Variants in LIG3 observed in about 807,000 individuals in gnomAD.
LIG3 encodes the protein DNA ligase 3.
LIG3 carries 58 observed loss-of-function variants against 110.9 expected under a neutral mutation model. That is an observed-to-expected ratio of 0.52 (90% CI 0.42 to 0.65). LIG3 has a LOEUF of 0.65. Ranked by LOEUF, LIG3 falls within the 30% of genes least tolerant of loss-of-function variation. LIG3 has a pLI of 0.00. For synonymous variants in LIG3, 422 were observed against 472.8 expected (o/e 0.89, Z 1.39); for missense variants, 1,094 against 1,273.8 (o/e 0.86, Z 2.15).
At chr17:34,982,083 T>G (rs1275939698) in intron 1 of LIG3, among the ~76,000 whole-genome samples, 1 of 152,184 alleles carries the variant, frequency 6.6e-6, no homozygotes, top group Non-Finnish European at 1.5e-5. Context: ...GCTCTTTAAG[T>G]TAGGCCCCAT....
chr17:34,999,561 A>T (rs2090817766), intron 15 of LIG3, 112 bp downstream of exon 15: 1 of 1,385,746 alleles, frequency 7.2e-7, no homozygotes, highest in Admixed American at 2.3e-5. Context: ...GAAGGGTTGC[A>T]GCTTGCTCAG....
chr17:35,010,384 C>G (rs553062713), downstream of LIG3: 1 of 152,376 alleles, frequency 6.6e-6, no homozygotes, highest in Non-Finnish European at 1.5e-5. Flanking sequence ...CCTCCAGCTC[C>G]TCTAGGGGTG....
chr17:34,995,750 C>CCCT (rs2090771061), intron 9 of LIG3, among the ~76,000 whole-genome samples: 1 of 152,144 alleles, frequency 6.6e-6, no homozygotes, highest in Non-Finnish European at 1.5e-5. Flanking sequence ...TGCCCACCTA[C>CCCT]CCTCCTCCTC....
At chr17:35,002,601 T>C in intron 18 of LIG3, 67 bp from the exon 19 acceptor site, 2 of 1,540,654 alleles carry the variant, frequency 1.3e-6, no homozygotes, top group Non-Finnish European at 1.8e-6. Context: ...TGAGTTGAAT[T>C]GATCCTCCCG....
At chr17:34,983,805 G>A (rs1597789113) in intron 2 of LIG3, among the ~76,000 whole-genome samples, 2 of 152,094 alleles carry the variant, frequency 1.3e-5, no homozygotes, top group South Asian at 2.1e-4. Flanking sequence ...AGCCTTTAAC[G>A]TTTTATTTGG....
At position 35,004,919 on chromosome 17, in the gene LIG3, T is replaced by A. The variant is rs1359351588; in HGVS notation, c.*413T>A. The A allele has an allele frequency of 1.9e-5, 5 of 265,630 alleles. No individual in the cohort carries two copies. The East Asian group carries it at 4.6e-4, about 24-fold the overall frequency. The allele number at this position is 265,630 out of a possible 1,614,324, so 16.5% of individuals were successfully genotyped here. A position where few individuals can be genotyped will look rare whatever the true frequency, so the allele number is the denominator to read the frequency against. On this transcript the variant is annotated 3_prime_UTR_variant, in exon 20 of 20. Transcript: ENST00000378526. ...CTTCTCTCCCATCCTTGCCTGTTCC[T>A]TTGTACTTCCAGGCTCATTTTAAAG...
intron 14 of LIG3, 106 bp from the exon 15 acceptor site, chr17:34,999,201 T>G: frequency 7.7e-7 from 1 of 1,303,794 alleles, no homozygotes; most frequent in Middle Eastern, 2.7e-4. Context: ...AGGTAAACTC[T>G]GGCACTCTGA....
At chr17:34,989,117 C>T (rs1413035817) in intron 3 of LIG3, among the ~76,000 whole-genome samples, 1 of 152,078 alleles carries the variant, frequency 6.6e-6, no homozygotes, top group Non-Finnish European at 1.5e-5. Context: ...GTTAGGGTTA[C>T]AGGCGTGAGC....
chr17:34,996,793 C>A, intron 11 of LIG3, 140 bp downstream of exon 11: 1 of 711,722 alleles, frequency 1.4e-6, no homozygotes, highest in Non-Finnish European at 2.5e-6. Context: ...AGGAGCTTGC[C>A]AAAGGCAATG....
intron 8 of LIG3, 177 bp from the exon 9 acceptor site, chr17:34,994,099 G>T: frequency 1.8e-6 from 1 of 556,532 alleles, no homozygotes; most frequent in Non-Finnish European, 3.1e-6. Flanking sequence ...ATACAACATT[G>T]CCCAGCCCTT....
intron 4 of LIG3, among the ~76,000 whole-genome samples, chr17:34,990,096 C>T (rs186143031): frequency 2.9e-4 from 44 of 152,262 alleles, no homozygotes; most frequent in African/African-American, 1.0e-3. Flanking sequence ...TCACTGGGCA[C>T]GTGAAGTGAA....
At chr17:34,999,581 AT>A in intron 15 of LIG3, 132 bp downstream of exon 15, 1 of 1,246,296 alleles carries the variant, frequency 8.0e-7, no homozygotes, top group Non-Finnish European at 1.1e-6. Context: ...GGGGAGCAGG[AT>A]TAGGCCTTAT....
rs753945903 is a variant in LIG3 at position 35,006,145 on chromosome 17, AG to A, written c.*1641del. On this transcript the variant is annotated 3_prime_UTR_variant, in exon 20 of 20. Coordinates refer to ENST00000378526, the MANE Select transcript of LIG3 (RefSeq NM_013975.4). ...GAGGCTGATTTATTTGAAGAACAAA[AG>A]GAAGAGAGACAATTTAGTGTAGACA... 15 of 163,382 alleles carry A rather than the reference AG, an allele frequency of 9.2e-5. No individual in the cohort carries two copies. The highest frequency in any genetic ancestry group is 1.7e-4 in the Non-Finnish European group (13 of 74,754). The allele number at this position is 163,382 out of a possible 1,614,324, so 10.1% of individuals were successfully genotyped here.
At chr17:35,001,821 A>G (rs779371551) in intron 17 of LIG3, 88 bp from the exon 18 acceptor site, 15 of 1,178,858 alleles carry the variant, frequency 1.3e-5, no homozygotes, top group African/African-American at 3.1e-5. Flanking sequence ...TTGTTCCCAT[A>G]TGCGCCTAAA....
chr17:34,984,358 A>G (rs972545607), intron 2 of LIG3, among the ~76,000 whole-genome samples: 7 of 152,210 alleles, frequency 4.6e-5, no homozygotes, highest in African/African-American at 1.7e-4. Context: ...CTTGTAGCAT[A>G]TAATTCATTA....
intron 2 of LIG3, among the ~76,000 whole-genome samples, chr17:34,984,161 T>A (rs2090632895): frequency 6.6e-6 from 1 of 152,234 alleles, no homozygotes; most frequent in Non-Finnish European, 1.5e-5. Context: ...GTCAATGGAT[T>A]GAGTCATACC....
At chr17:34,980,661 C>T (rs1248446706) in intron 1 of LIG3, 39 bp downstream of exon 1, 6 of 1,133,044 alleles carry the variant, frequency 5.3e-6, no homozygotes, top group African/African-American at 4.2e-5. Flanking sequence ...CGGCGGGGCC[C>T]GGCGTGGGGA....
At chr17:34,999,734 C>T (rs1212785515) in intron 15 of LIG3, 48 bp from the exon 16 acceptor site, 2 of 1,493,888 alleles carry the variant, frequency 1.3e-6, no homozygotes, top group Admixed American at 1.7e-5. Flanking sequence ...GGATTTAAGC[C>T]TTGTTCCAGG....
At chr17:34,999,005 T>G (rs2090811252) in intron 14 of LIG3, 2 of 505,970 alleles carry the variant, frequency 4.0e-6, no homozygotes, top group African/African-American at 3.8e-5. Context: ...AGGCAAAATC[T>G]CTTTCCTGAC....
Sources: allele counts gnomAD v4.1 joint callset (sites outside exome capture counted in the v4.1 genomes callset), GRCh38; gene constraint gnomAD v4.1.1; transcripts MANE v1.5; gene names NCBI Gene and HGNC (gene_info 2026-07-23, HGNC 2026-07-21).